Variants in REC114 observed in about 807,000 individuals in gnomAD.
The protein encoded by REC114 is REC114 meiotic recombination protein.
In REC114, 27 loss-of-function variants were observed where a neutral mutation model predicts 31.3. The observed-to-expected ratio is 0.86, with a 90% CI of 0.64 to 1.19. The LOEUF is 1.19. REC114 is among the 50% of genes most tolerant of loss of function. REC114 has a pLI of 0.00. For synonymous variants in REC114, 134 were observed against 127.7 expected (o/e 1.05, Z -0.33); for missense variants, 344 against 326.9 (o/e 1.05, Z -0.40).
At chr15:73,534,372 C>A (rs890343600) in intron 2 of REC114, among the ~76,000 whole-genome samples, 4 of 152,168 alleles carry the variant, frequency 2.6e-5, no homozygotes, top group African/African-American at 9.7e-5. Flanking sequence ...CACAGAAATA[C>A]AAACTACCAT....
intron 1 of REC114, among the ~76,000 whole-genome samples, chr15:73,457,734 C>G (rs1595860185): frequency 6.6e-6 from 1 of 152,114 alleles, no homozygotes; most frequent in East Asian, 1.9e-4. Context: ...TAAGGAGGTA[C>G]TTGTTAATTC....
intron 1 of REC114, among the ~76,000 whole-genome samples, chr15:73,468,168 A>G (rs1893086874): frequency 6.6e-6 from 1 of 152,196 alleles, no homozygotes; most frequent in East Asian, 1.9e-4. Flanking sequence ...GGACATAGAC[A>G]TCTTTAGGGG....
chr15:73,503,744 AT>A (rs1217188628), intron 2 of REC114, among the ~76,000 whole-genome samples: 2 of 151,988 alleles, frequency 1.3e-5, no homozygotes, highest in South Asian at 4.1e-4. Flanking sequence ...TCATTTATGA[AT>A]TTTTGTTTTT....
intron 2 of REC114, among the ~76,000 whole-genome samples, chr15:73,536,281 G>C (rs1894155944): frequency 2.0e-5 from 3 of 152,182 alleles, no homozygotes. Flanking sequence ...GGTTATGACA[G>C]ACTCTCATCA....
At chr15:73,475,504 C>A (rs1210259000) in intron 2 of REC114, among the ~76,000 whole-genome samples, 2 of 151,944 alleles carry the variant, frequency 1.3e-5, no homozygotes, top group Non-Finnish European at 2.9e-5. Context: ...ATGTTTGTGT[C>A]TTAGTTTTTA....
At chr15:73,473,117 C>T (rs1049804748) in intron 1 of REC114, among the ~76,000 whole-genome samples, 5 of 152,056 alleles carry the variant, frequency 3.3e-5, no homozygotes, top group Non-Finnish European at 7.4e-5. Flanking sequence ...GGGCTGGGTG[C>T]GATGGCTCAC....
chr15:73,488,349 A>G (rs982809406), intron 2 of REC114, among the ~76,000 whole-genome samples: 1 of 152,152 alleles, frequency 6.6e-6, no homozygotes, highest in Non-Finnish European at 1.5e-5. Flanking sequence ...TTTTCTTCCA[A>G]ACACTCTTTT....
chr15:73,473,766 A>T, intron 1 of REC114, 66 bp from the exon 2 acceptor site: 1 of 874,850 alleles, frequency 1.1e-6, no homozygotes, highest in South Asian at 1.6e-5. Flanking sequence ...GGTCATCAGT[A>T]TTGTAAGTTT....
At chr15:73,550,417 G>A (rs1894371072) in intron 3 of REC114, among the ~76,000 whole-genome samples, 1 of 152,156 alleles carries the variant, frequency 6.6e-6, no homozygotes, top group African/African-American at 2.4e-5. Context: ...AGGATAAAGG[G>A]TACTACAGAT....
chr15:73,497,987 T>C (rs1018513441), intron 2 of REC114, among the ~76,000 whole-genome samples: 1 of 152,218 alleles, frequency 6.6e-6, no homozygotes, highest in Non-Finnish European at 1.5e-5. Flanking sequence ...GAAAATTCCC[T>C]TGTTTCATGT....
intron 2 of REC114, among the ~76,000 whole-genome samples, chr15:73,538,396 CTT>C (rs1159179059): frequency 6.7e-6 from 1 of 148,170 alleles, no homozygotes; most frequent in Non-Finnish European, 1.5e-5. Flanking sequence ...GCCAATTTAT[CTT>C]TTTTTAAAAG....
intron 2 of REC114, among the ~76,000 whole-genome samples, chr15:73,524,206 G>C (rs2141321451): frequency 6.6e-6 from 1 of 152,226 alleles, no homozygotes; most frequent in South Asian, 2.1e-4. Flanking sequence ...ATTGAAGAAA[G>C]AACAAACATC....
intron 4 of REC114, among the ~76,000 whole-genome samples, chr15:73,555,241 T>C (rs1282281936): frequency 5.9e-5 from 9 of 152,050 alleles, no homozygotes; most frequent in Admixed American, 6.5e-5. Flanking sequence ...CTCCAAAGAG[T>C]GCCCTGTTTC....
chr15:73,471,867 G>T (rs1893137615), intron 1 of REC114, among the ~76,000 whole-genome samples: 2 of 152,112 alleles, frequency 1.3e-5, no homozygotes, highest in Admixed American at 1.3e-4. Context: ...AACATTGATG[G>T]AGCCAAATGT....
At chr15:73,486,884 A>C (rs894439125) in intron 2 of REC114, among the ~76,000 whole-genome samples, 1 of 152,122 alleles carries the variant, frequency 6.6e-6, no homozygotes, top group African/African-American at 2.4e-5. Flanking sequence ...TAAGAATACA[A>C]AATTAGCCAG....
chr15:73,483,796 TG>T (rs1015734290), intron 2 of REC114: 1 of 152,344 alleles, frequency 6.6e-6, no homozygotes, highest in Non-Finnish European at 1.5e-5. Flanking sequence ...TTCTGGATGG[TG>T]TATCTGCTGC....
intron 5 of REC114, among the ~76,000 whole-genome samples, chr15:73,557,142 T>C (rs755501583): frequency 4.6e-4 from 69 of 151,380 alleles, no homozygotes; most frequent in Non-Finnish European, 9.0e-4. Flanking sequence ...CGATCTTGGC[T>C]CACTGCAACC....
At chr15:73,444,948 C>G (rs1365816300) in intron 1 of REC114, among the ~76,000 whole-genome samples, 4 of 152,192 alleles carry the variant, frequency 2.6e-5, no homozygotes, top group African/African-American at 9.7e-5. Context: ...CTTGGGTGAC[C>G]AGGTGCCTTG....
chr15:73,488,737 T>C (rs1567867413), intron 2 of REC114, among the ~76,000 whole-genome samples: 1 of 152,226 alleles, frequency 6.6e-6, no homozygotes. Flanking sequence ...ACTTAGATTA[T>C]CTCTAAGACT....
Sources: allele counts gnomAD v4.1 joint callset (sites outside exome capture counted in the v4.1 genomes callset), GRCh38; gene constraint gnomAD v4.1.1; transcripts MANE v1.5; gene names NCBI Gene and HGNC (gene_info 2026-07-23, HGNC 2026-07-21).